Variants in ZEB2 observed in about 807,000 individuals in gnomAD.
ZEB2 encodes the protein zinc finger E-box-binding homeobox 2.
Under a neutral mutation model 99.9 loss-of-function variants are expected in ZEB2, and 6 were observed. The observed-to-expected ratio is 0.06, with a 90% CI of 0.03 to 0.12. The LOEUF is 0.12. Among genes scored for constraint, ZEB2 ranks in the 10% least tolerant of loss-of-function variants. The pLI is 1.00. For missense variants in ZEB2, 969 were observed against 1,502.8 expected, an observed-to-expected ratio of 0.64 and a Z score of 5.87; for synonymous variants, 517 against 542.5, an observed-to-expected ratio of 0.95 and a Z score of 0.65.
chr2:144,437,626 C>T (rs1703855448), intron 2 of ZEB2, among the ~76,000 whole-genome samples: 2 of 152,074 alleles, frequency 1.3e-5, no homozygotes, highest in Non-Finnish European at 2.9e-5. Flanking sequence ...AAATAAGCTT[C>T]TGAGCCATCA....
intron 2 of ZEB2, among the ~76,000 whole-genome samples, chr2:144,488,800 A>G (rs76094795): frequency 0.01 from 1,523 of 152,172 alleles, 23 homozygotes; most frequent in African/African-American, 0.035. Context: ...GAAAAACATT[A>G]AAGTTTCTAA....
At chr2:144,450,093 AC>A (rs1173101410) in intron 2 of ZEB2, 1 of 152,070 alleles carries the variant, frequency 6.6e-6, no homozygotes. Flanking sequence ...GAATTGTATT[AC>A]CACTGGAATT....
intron 2 of ZEB2, among the ~76,000 whole-genome samples, chr2:144,436,448 T>A (rs1703838525): frequency 6.6e-6 from 1 of 152,200 alleles, no homozygotes; most frequent in Non-Finnish European, 1.5e-5. Flanking sequence ...AGATTAGCTA[T>A]GTAAAAAAAT....
intron 2 of ZEB2, among the ~76,000 whole-genome samples, chr2:144,439,593 A>G (rs1446455747): frequency 2.0e-5 from 3 of 152,234 alleles, no homozygotes; most frequent in Non-Finnish European, 4.4e-5. Context: ...GTTATTGGGT[A>G]TAATTACTGT....
intron 5 of ZEB2, 23 bp from the exon 6 acceptor site, chr2:144,404,153 G>A: frequency 1.2e-6 from 2 of 1,613,148 alleles, no homozygotes; most frequent in Middle Eastern, 1.8e-4. Context: ...GACAGAGAGA[G>A]AGAGAAGCGG....
At chr2:144,423,320 A>G (rs922621705) in intron 4 of ZEB2, among the ~76,000 whole-genome samples, 2 of 152,246 alleles carry the variant, frequency 1.3e-5, no homozygotes. Context: ...TATCTTTAAA[A>G]GGAACTTGAA....
At chr2:144,496,177 T>C (rs1704755412) in intron 2 of ZEB2, 1 of 152,210 alleles carries the variant, frequency 6.6e-6, no homozygotes, top group Non-Finnish European at 1.5e-5. Flanking sequence ...TCTTAGGCAA[T>C]GGAAGAGTTA....
chr2:144,459,160 G>A (rs1318230343), intron 2 of ZEB2, among the ~76,000 whole-genome samples: 1 of 152,094 alleles, frequency 6.6e-6, no homozygotes. Context: ...CAAGCTTTAA[G>A]CATTAGGTAG....
intron 2 of ZEB2, among the ~76,000 whole-genome samples, chr2:144,451,779 G>T (rs768248687): frequency 3.3e-5 from 5 of 152,152 alleles, no homozygotes; most frequent in Non-Finnish European, 5.9e-5. Context: ...GAAAGAAGTT[G>T]TTGTCTTTTT....
intron 2 of ZEB2, among the ~76,000 whole-genome samples, chr2:144,432,856 A>G (rs1703791643): frequency 6.6e-6 from 1 of 152,190 alleles, no homozygotes; most frequent in African/African-American, 2.4e-5. Flanking sequence ...ATTTTGTATA[A>G]TAACCAACGT....
At chr2:144,479,310 G>A (rs776435692) in intron 2 of ZEB2, among the ~76,000 whole-genome samples, 5 of 152,122 alleles carry the variant, frequency 3.3e-5, no homozygotes, top group Non-Finnish European at 5.9e-5. Context: ...TGTTAAGAGA[G>A]TGCTCCTGGC....
intron 2 of ZEB2, among the ~76,000 whole-genome samples, chr2:144,467,908 T>C (rs1339139200): frequency 6.6e-6 from 1 of 152,272 alleles, no homozygotes; most frequent in East Asian, 1.9e-4. Context: ...ACTGAAGTTA[T>C]GTCAAGCGCA....
At chr2:144,398,188 A>G (rs1703255318) in intron 8 of ZEB2, 113 bp downstream of exon 8, 1 of 1,407,596 alleles carries the variant, frequency 7.1e-7, no homozygotes, top group Admixed American at 2.0e-5. Context: ...TGTTAAAGCA[A>G]ACTCTTCTGT....
At chr2:144,447,988 T>C (rs1704008176) in intron 2 of ZEB2, among the ~76,000 whole-genome samples, 1 of 152,158 alleles carries the variant, frequency 6.6e-6, no homozygotes, top group South Asian at 2.1e-4. Context: ...AGAATATCTA[T>C]CCACTGGGTC....
chr2:144,513,742 G>A (rs1441748748), intron 2 of ZEB2: 1 of 1,536,086 alleles, frequency 6.5e-7, no homozygotes, highest in Admixed American at 2.0e-5. Flanking sequence ...GGCCGCACCG[G>A]TGGCAAGCAG....
intron 2 of ZEB2, among the ~76,000 whole-genome samples, chr2:144,506,457 A>G (rs1445587563): frequency 1.3e-5 from 2 of 152,174 alleles, no homozygotes; most frequent in Admixed American, 6.5e-5. Context: ...TGAGTTCCTT[A>G]TATATAAACC....
intron 2 of ZEB2, among the ~76,000 whole-genome samples, chr2:144,473,713 G>T (rs1704391309): frequency 6.6e-6 from 1 of 152,142 alleles, no homozygotes; most frequent in Non-Finnish European, 1.5e-5. Flanking sequence ...TGTTACAGAG[G>T]TGCAGGGAAA....
At chr2:144,437,424 GA>G (rs1436267139) in intron 2 of ZEB2, among the ~76,000 whole-genome samples, 1 of 151,856 alleles carries the variant, frequency 6.6e-6, no homozygotes, top group Non-Finnish European at 1.5e-5. Flanking sequence ...ATGTCAAAAG[GA>G]AAAAAAGATT....
chr2:144,410,768 AAT>A (rs2149882318), intron 4 of ZEB2, among the ~76,000 whole-genome samples: 1 of 152,202 alleles, frequency 6.6e-6, no homozygotes, highest in Admixed American at 6.5e-5. Context: ...AATGGAAGAA[AAT>A]TGAATATTAT....
Sources: gnomAD v4.1 joint callset for allele counts (sites outside exome capture counted in the v4.1 genomes callset) on GRCh38, gnomAD v4.1.1 for gene constraint, MANE v1.5 for transcripts, NCBI Gene and HGNC (gene_info 2026-07-23, HGNC 2026-07-21) for gene names.